Variants in ATG7 observed in about 807,000 individuals in gnomAD.
ATG7 encodes the protein autophagy related 7, also known as ubiquitin-like modifier-activating enzyme ATG7.
A neutral mutation model predicts 82.4 loss-of-function variants in ATG7; 70 were observed. The observed-to-expected ratio is 0.85, with a 90% confidence interval of 0.70 to 1.04. The LOEUF is 1.04. Ranked by LOEUF, ATG7 falls within the 50% of genes least tolerant of loss-of-function variation. ATG7 has a pLI of 0.00. For missense variants in ATG7, 792 were observed against 864.3 expected (o/e 0.92, Z 1.05); for synonymous variants, 287 against 313.0 (o/e 0.92, Z 0.88).
intron 20 of ATG7, among the ~76,000 whole-genome samples, chr3:11,429,175 A>G (rs2082630982): frequency 1.3e-5 from 2 of 152,184 alleles, no homozygotes; most frequent in Admixed American, 6.5e-5. Context: ...AGTTTGTTAA[A>G]TTCTGAATAA....
At chr3:11,401,437 C>T (rs536569922) in intron 19 of ATG7, among the ~76,000 whole-genome samples, 1 of 152,118 alleles carries the variant, frequency 6.6e-6, no homozygotes, top group African/African-American at 2.4e-5. Flanking sequence ...AAAGTTGTAT[C>T]TTCTAAAAAT....
At chr3:11,565,042 C>T in the ATG7 span, 1 of 1,466,108 alleles carries the variant, frequency 6.8e-7, no homozygotes, top group African/African-American at 1.5e-5. The surrounding 1 kb of genome is among the most constrained non-coding windows in gnomAD (Gnocchi z 4.1). Context: ...AATGGGCATT[C>T]AGGGGGCGTT....
chr3:11,434,507 C>G (rs940925766), intron 20 of ATG7, among the ~76,000 whole-genome samples: 2 of 152,152 alleles, frequency 1.3e-5, no homozygotes, highest in Admixed American at 1.3e-4. Context: ...GGCCCTCTCT[C>G]CTGAGTGAGG....
intron 20 of ATG7, among the ~76,000 whole-genome samples, chr3:11,478,329 T>G (rs1025379019): frequency 1.3e-5 from 2 of 152,198 alleles, no homozygotes; most frequent in African/African-American, 4.8e-5. Context: ...ATGAAAGTAT[T>G]CATCTGAGTT....
At chr3:11,340,756 T>C (rs373447881) in intron 12 of ATG7, 21 bp downstream of exon 12, 2 of 1,606,264 alleles carry the variant, frequency 1.2e-6, no homozygotes, top group African/African-American at 2.7e-5. Context: ...GAAGCTGTTT[T>C]CTCCAGTCGG....
intron 20 of ATG7, among the ~76,000 whole-genome samples, chr3:11,467,672 G>A (rs1337241002): frequency 6.6e-6 from 1 of 152,060 alleles, no homozygotes; most frequent in Non-Finnish European, 1.5e-5. Flanking sequence ...CAATGCGCCT[G>A]GCCCTATTTT....
the ATG7 span, among the ~76,000 whole-genome samples, chr3:11,563,612 A>T: frequency 6.6e-6 from 1 of 152,220 alleles, no homozygotes; most frequent in African/African-American, 2.4e-5. Flanking sequence ...TAAAACGTTG[A>T]AATGAACAGC....
At chr3:11,384,079 C>A (rs983919592) in intron 19 of ATG7, among the ~76,000 whole-genome samples, 1 of 152,166 alleles carries the variant, frequency 6.6e-6, no homozygotes, top group East Asian at 1.9e-4. Context: ...ATGACTAGTC[C>A]TTCTCTAAAA....
At chr3:11,493,150 G>A (rs2153050925) in intron 20 of ATG7, among the ~76,000 whole-genome samples, 1 of 152,324 alleles carries the variant, frequency 6.6e-6, no homozygotes, top group South Asian at 2.1e-4. Flanking sequence ...TTTATTGAGT[G>A]ATGAGATCAG....
chr3:11,527,019 A>G (rs947921114), intron 20 of ATG7, among the ~76,000 whole-genome samples: 7 of 148,332 alleles, frequency 4.7e-5, no homozygotes, highest in East Asian at 2.0e-4. Context: ...TATATATAGT[A>G]TATATATGTG....
chr3:11,408,249 A>G lies in ATG7; in HGVS notation c.1957-18555A>G, dbSNP rs1228394820. Among the ~76,000 whole-genome samples the G allele has an allele frequency of 2.0e-5, 3 of 152,210 alleles. No homozygotes were observed. In the East Asian group the frequency reaches 5.8e-4, roughly 29 times the overall value. The stretch of plus-strand genomic sequence containing the variant: ...TCTTTGCTAAAACATAGCAAAAGCC[A>G]CCTTTGTTCCAGTTCCCAACAAGTT... On this transcript the variant is annotated intron_variant, in intron 19 of 20. Transcript: ENST00000693202.
chr3:11,538,793 G>A (rs2070568795), intron 20 of ATG7, among the ~76,000 whole-genome samples: 1 of 147,402 alleles, frequency 6.8e-6, no homozygotes, highest in Non-Finnish European at 1.5e-5. Flanking sequence ...AGGATCACCT[G>A]AGCCTGGGAA....
intron 20 of ATG7, among the ~76,000 whole-genome samples, chr3:11,438,658 C>T (rs548629402): frequency 5.9e-5 from 9 of 152,170 alleles, no homozygotes; most frequent in African/African-American, 1.7e-4. Context: ...CTGACCTGGC[C>T]AGAAGCTCTG....
chr3:11,444,659 C>T (rs1025882439), intron 20 of ATG7, among the ~76,000 whole-genome samples: 3 of 152,096 alleles, frequency 2.0e-5, no homozygotes, highest in Non-Finnish European at 4.4e-5. Context: ...GACATAGGAA[C>T]AGGCAAAAAT....
At chr3:11,524,019 T>C (rs1253055524) in intron 20 of ATG7, among the ~76,000 whole-genome samples, 27 of 152,214 alleles carry the variant, frequency 1.8e-4, no homozygotes, top group Non-Finnish European at 5.9e-5. Flanking sequence ...AAAGTTGAGT[T>C]GAAAGAACTG....
At chr3:11,498,561 T>C (rs1575058546) in intron 20 of ATG7, among the ~76,000 whole-genome samples, 1 of 152,206 alleles carries the variant, frequency 6.6e-6, no homozygotes, top group African/African-American at 2.4e-5. Context: ...ACCGTGTCAC[T>C]CCTGTGACCA....
chr3:11,405,952 C>G (rs1386372009), intron 19 of ATG7, among the ~76,000 whole-genome samples: 1 of 151,574 alleles, frequency 6.6e-6, no homozygotes, highest in Admixed American at 6.6e-5. Flanking sequence ...CTCTTTCCTT[C>G]CTTTCCTTTT....
At chr3:11,442,739 CAAAAAAAAAAAAAAAAAAAAAAAA>C (rs57073881) in intron 20 of ATG7, among the ~76,000 whole-genome samples, 49 of 69,254 alleles carry the variant, frequency 7.1e-4, no homozygotes, top group Non-Finnish European at 9.3e-4. Context: ...TCCATCTCTA[CAAAAAAAAAAAAAAAAAAAAAAAA>C]AAAAAAAATT....
chr3:11,505,297 A>T lies in ATG7; in HGVS notation c.2080-49514A>T, dbSNP rs1444086724. Among the ~76,000 whole-genome samples, 9 of 152,324 alleles carry T rather than the reference A, an allele frequency of 5.9e-5. No homozygotes were observed. In the East Asian group the frequency reaches 1.2e-3, roughly 20 times the overall value. ...TGGAGGAGTGTTCGCGCAGGTAGAG[A>T]AAAGAAGACTAGCGGTAAGCCAGGT... is the stretch of plus-strand genomic sequence containing the variant. On this transcript the variant is annotated intron_variant, in intron 20 of 20. Coordinates refer to ENST00000693202, the MANE Select transcript of ATG7 (RefSeq NM_001349232.2).
Sources: gnomAD v4.1 joint callset for allele counts (sites outside exome capture counted in the v4.1 genomes callset) on GRCh38, gnomAD v4.1.1 for gene constraint, Gnocchi (gnomAD v3.1) non-coding constraint, MANE v1.5 for transcripts, NCBI Gene and HGNC (gene_info 2026-07-23, HGNC 2026-07-21) for gene names.